The following CABIN1 variants were observed in gnomAD, a reference collection of about 807,000 sequenced individuals.
CABIN1 encodes calcineurin-binding protein cabin-1.
A neutral mutation model predicts 227.7 loss-of-function variants in CABIN1; 133 were observed. The observed-to-expected ratio is 0.58, with a 90% CI of 0.51 to 0.67. CABIN1 has a LOEUF of 0.67. Among genes scored for constraint, CABIN1 ranks in the 30% least tolerant of loss-of-function variants. The pLI is 0.00. For missense variants in CABIN1, 2,408 were observed against 2,852.5 expected (o/e 0.84, Z 3.55); for synonymous variants, 1,086 against 1,155.1 (o/e 0.94, Z 1.21).
At chr22:24,152,421 C>T (rs1304808720) in intron 29 of CABIN1, among the ~76,000 whole-genome samples, 9 of 152,100 alleles carry the variant, frequency 5.9e-5, no homozygotes, top group African/African-American at 9.7e-5. Context: ...CTGTCTCGAC[C>T]GTTGGGGAAA....
intron 22 of CABIN1, among the ~76,000 whole-genome samples, chr22:24,085,727 T>A (rs2041113697): frequency 1.3e-5 from 2 of 152,226 alleles, no homozygotes; most frequent in African/African-American, 4.8e-5. Flanking sequence ...ATGTAGTGAT[T>A]GCCTGGAGCC....
chr22:24,072,249 G>T, intron 17 of CABIN1, 105 bp from the exon 18 acceptor site: 2 of 1,186,102 alleles, frequency 1.7e-6, no homozygotes, highest in Non-Finnish European at 2.5e-6. Context: ...GGGGTGGGCA[G>T]GCAGCACATA....
chr22:24,107,441 C>T (rs2042577624), intron 26 of CABIN1, among the ~76,000 whole-genome samples: 1 of 152,184 alleles, frequency 6.6e-6, no homozygotes, highest in African/African-American at 2.4e-5. Flanking sequence ...TAGTCAGCAG[C>T]CTTTTGTCCC....
At chr22:24,107,950 G>A (rs1003208949) in intron 26 of CABIN1, among the ~76,000 whole-genome samples, 5 of 152,202 alleles carry the variant, frequency 3.3e-5, no homozygotes, top group Admixed American at 6.5e-5. Context: ...TGTCTTTCAG[G>A]GAGACTTCAA....
At chr22:24,172,018 G>GC in intron 34 of CABIN1, 23 bp downstream of exon 34, 1 of 1,601,326 alleles carries the variant, frequency 6.2e-7, no homozygotes, top group South Asian at 1.1e-5. Flanking sequence ...CCAGTCCAGA[G>GC]CTGGGCCCAG....
At chr22:24,163,607 G>A (rs1602436530) in intron 29 of CABIN1, among the ~76,000 whole-genome samples, 2 of 152,194 alleles carry the variant, frequency 1.3e-5, no homozygotes, top group African/African-American at 4.8e-5. Flanking sequence ...AGGCCCCTGA[G>A]GTCCCACCCC....
chr22:24,127,821 C>CAT (rs10640276), intron 28 of CABIN1, among the ~76,000 whole-genome samples: 31,370 of 149,828 alleles, frequency 0.21, 3,720 homozygotes, highest in African/African-American at 0.33. Context: ...TTTAACTTTT[C>CAT]ATATATATAT....
chr22:24,030,628 C>G (rs2036427384), intron 1 of CABIN1, among the ~76,000 whole-genome samples: 1 of 152,146 alleles, frequency 6.6e-6, no homozygotes, highest in African/African-American at 2.4e-5. Flanking sequence ...ATTTGTTCTC[C>G]TACACTGTGG....
chr22:24,098,196 C>G lies in CABIN1; in HGVS notation c.4117+4C>G. The G allele has an allele frequency of 6.2e-7, 1 of 1,614,108 alleles. No individual in the cohort carries two copies. The highest frequency in any genetic ancestry group is 8.5e-7 in the Non-Finnish European group (1 of 1,180,004). ...CACCAGCAGGCAACGCCGGACGGTA[C>G]AGTCCCTGTTCTCCCTACTGCCAGC... On this transcript the variant is annotated splice_donor_region_variant and intron_variant, in intron 26 of 36. Transcript: ENST00000263119.
chr22:24,068,628 G>A (rs944092403), intron 16 of CABIN1, among the ~76,000 whole-genome samples: 4 of 152,216 alleles, frequency 2.6e-5, no homozygotes, highest in African/African-American at 7.2e-5. Flanking sequence ...TGTATTGAGA[G>A]TGTTTTCTTA....
chr22:24,066,963 A>G (rs1230683306), intron 15 of CABIN1, 24 bp from the exon 16 acceptor site: 2 of 1,613,456 alleles, frequency 1.2e-6, no homozygotes, highest in Admixed American at 1.7e-5. Flanking sequence ...TTACCCTCAT[A>G]CAGCATTGCC....
chr22:24,176,952 C>A (rs879419163), intron 35 of CABIN1, among the ~76,000 whole-genome samples: 2 of 152,206 alleles, frequency 1.3e-5, no homozygotes, highest in Non-Finnish European at 2.9e-5. Flanking sequence ...CCAGGCCAGC[C>A]GGGTCCTCCC....
chr22:24,052,388 TC>T (rs1288724441), intron 8 of CABIN1, among the ~76,000 whole-genome samples: 11 of 152,102 alleles, frequency 7.2e-5, no homozygotes, highest in Admixed American at 7.2e-4. Flanking sequence ...GCAAAACTTT[TC>T]CTTTAAAGAG....
intron 23 of CABIN1, among the ~76,000 whole-genome samples, 199 bp from the exon 24 acceptor site, chr22:24,091,384 G>C (rs1220548291): frequency 6.6e-6 from 1 of 152,180 alleles, no homozygotes; most frequent in Non-Finnish European, 1.5e-5. Context: ...GCCTTGCTTG[G>C]TGGGCGCTTT....
chr22:24,021,389 C>T (rs781175463), intron 1 of CABIN1, among the ~76,000 whole-genome samples: 1 of 152,180 alleles, frequency 6.6e-6, no homozygotes, highest in East Asian at 1.9e-4. Context: ...AACTCTTGGG[C>T]TCAAGCCATC....
intron 2 of CABIN1, among the ~76,000 whole-genome samples, 190 bp downstream of exon 2, chr22:24,035,710 C>T (rs755364786): frequency 1.5e-4 from 23 of 152,048 alleles, no homozygotes; most frequent in Non-Finnish European, 2.6e-4. Context: ...CTTGCAGGAC[C>T]TTGTCACAGT....
At chr22:24,029,720 A>C (rs956569563) in intron 1 of CABIN1, among the ~76,000 whole-genome samples, 1 of 152,324 alleles carries the variant, frequency 6.6e-6, no homozygotes, top group South Asian at 2.1e-4. Flanking sequence ...TGGAAATAGA[A>C]GGCAGTGGGC....
intron 29 of CABIN1, among the ~76,000 whole-genome samples, chr22:24,136,674 C>G (rs945339071): frequency 1.3e-5 from 2 of 151,122 alleles, no homozygotes; most frequent in African/African-American, 4.9e-5. Context: ...CCTCCCATCC[C>G]TTATTGATGG....
At chr22:24,052,529 G>A (rs2038421479) in intron 8 of CABIN1, among the ~76,000 whole-genome samples, 1 of 150,690 alleles carries the variant, frequency 6.6e-6, no homozygotes, top group Admixed American at 6.6e-5. Flanking sequence ...GGTGGCTAAC[G>A]CCTATAATCC....
Sources: gnomAD v4.1 joint callset for allele counts (sites outside exome capture counted in the v4.1 genomes callset) on GRCh38, gnomAD v4.1.1 for gene constraint, MANE v1.5 for transcripts, NCBI Gene and HGNC (gene_info 2026-07-23, HGNC 2026-07-21) for gene names.